The following DDX60L variants were observed in gnomAD, a reference collection of about 807,000 sequenced individuals.
DDX60L encodes probable ATP-dependent RNA helicase DDX60-like.
Under a neutral mutation model 211.6 loss-of-function variants are expected in DDX60L, and 191 were observed. The observed-to-expected ratio is 0.90, with a 90% CI of 0.80 to 1.02. The LOEUF is 1.02. DDX60L is among the 50% of genes least tolerant of loss of function. DDX60L has a pLI of 0.00. For missense variants in DDX60L, 2,007 were observed against 1,984.1 expected, an observed-to-expected ratio of 1.01 and a Z score of -0.22; for synonymous variants, 706 against 694.1, an observed-to-expected ratio of 1.02 and a Z score of -0.27.
At chr4:168,364,134 T>A (rs548964118) in intron 36 of DDX60L, among the ~76,000 whole-genome samples, 1 of 151,830 alleles carries the variant, frequency 6.6e-6, no homozygotes, top group Non-Finnish European at 1.5e-5. Flanking sequence ...AAAAATTAAC[T>A]CAATGTACAA....
intron 12 of DDX60L, among the ~76,000 whole-genome samples, chr4:168,431,153 C>A (rs948177569): frequency 6.6e-6 from 1 of 152,084 alleles, no homozygotes; most frequent in Admixed American, 6.6e-5. Context: ...ACTTCTGGTC[C>A]CAGTCAAATA....
intron 36 of DDX60L, among the ~76,000 whole-genome samples, chr4:168,363,055 G>A (rs887972735): frequency 6.6e-6 from 1 of 152,140 alleles, no homozygotes; most frequent in Admixed American, 6.5e-5. Flanking sequence ...TCTAAATGCT[G>A]AAGAGAAAAG....
chr4:168,435,903 T>C (rs1293072949), intron 10 of DDX60L, among the ~76,000 whole-genome samples: 1 of 152,126 alleles, frequency 6.6e-6, no homozygotes, highest in Non-Finnish European at 1.5e-5. Flanking sequence ...ATTCAGAGAA[T>C]TTCCATCTCA....
At chr4:168,369,830 C>G (rs1447458958) in intron 36 of DDX60L, among the ~76,000 whole-genome samples, 1 of 152,106 alleles carries the variant, frequency 6.6e-6, no homozygotes, top group Non-Finnish European at 1.5e-5. Context: ...TTCACTATCA[C>G]TAATCATCAT....
chr4:168,396,243 A>C, intron 26 of DDX60L, 119 bp from the exon 27 acceptor site: 1 of 580,918 alleles, frequency 1.7e-6, no homozygotes, highest in East Asian at 3.0e-5. Context: ...TAGCTCCATC[A>C]ATCCTGACTT....
intron 12 of DDX60L, among the ~76,000 whole-genome samples, chr4:168,432,242 T>TATTG (rs1554011263): frequency 6.8e-5 from 10 of 147,876 alleles, no homozygotes; most frequent in East Asian, 3.9e-4. Flanking sequence ...TATATATATA[T>TATTG]TGTGTGTGTG....
chr4:168,358,524 C>CTTTTTTTTTTT (rs70961514), intron 37 of DDX60L, among the ~76,000 whole-genome samples: 7 of 108,286 alleles, frequency 6.5e-5, no homozygotes, highest in Admixed American at 1.1e-4. Context: ...TTTTCTTTTT[C>CTTTTTTTTTTT]TTTTTTTTTT....
chr4:168,467,190 C>A (rs1420244685), intron 4 of DDX60L, among the ~76,000 whole-genome samples: 1 of 152,046 alleles, frequency 6.6e-6, no homozygotes, highest in Non-Finnish European at 1.5e-5. Flanking sequence ...AGGTGGATTG[C>A]TTGACCTTGG....
At chr4:168,433,244 G>A (rs1327234542) in intron 10 of DDX60L, 129 bp from the exon 11 acceptor site, 2 of 615,352 alleles carry the variant, frequency 3.3e-6, no homozygotes, top group Non-Finnish European at 5.5e-6. Context: ...CCAAGTTAGA[G>A]CTTCCAAATG....
intron 14 of DDX60L, among the ~76,000 whole-genome samples, chr4:168,424,787 G>A (rs1751198679): frequency 1.3e-5 from 2 of 151,958 alleles, no homozygotes; most frequent in South Asian, 4.1e-4. Flanking sequence ...CTCACCCAAT[G>A]CTTTCTTATA....
chr4:168,359,573 C>T (rs193047915), intron 37 of DDX60L, among the ~76,000 whole-genome samples: 1 of 152,258 alleles, frequency 6.6e-6, no homozygotes, highest in Non-Finnish European at 1.5e-5. Flanking sequence ...GTATAGCCTC[C>T]AGCTTTAGCT....
rs932817022 is a variant in DDX60L, at chr4:168,402,010, G to T, written c.3339-1032C>A. Among the ~76,000 whole-genome samples, 4 of 151,952 alleles carry T rather than the reference G, an allele frequency of 2.6e-5. No individual in the cohort carries two copies. In the East Asian group the frequency reaches 5.8e-4, roughly 22 times the overall value. ...AGGAAGGTAATATTATCTCTGTTTT[G>T]CAGATGAAGAAGTAAATGCCAAAGG... On this transcript the variant is annotated intron_variant, in intron 25 of 37. Coordinates refer to ENST00000682922, the MANE Select transcript of DDX60L (RefSeq NM_001012967.3).
chr4:168,386,008 G>C (rs1303233558), intron 29 of DDX60L, among the ~76,000 whole-genome samples: 2 of 152,006 alleles, frequency 1.3e-5, no homozygotes, highest in Admixed American at 1.3e-4. Flanking sequence ...GGGAAAGGGA[G>C]AAGGGGAGAG....
intron 17 of DDX60L, among the ~76,000 whole-genome samples, chr4:168,420,682 T>TAGACAGAC (rs70961519): frequency 3.0e-4 from 38 of 127,508 alleles, no homozygotes; most frequent in African/African-American, 1.2e-3. Context: ...GATAGATAGA[T>TAGACAGAC]AGACAGACAG....
Position 168,421,778 on chromosome 4 carries a change from C to T in DDX60L, c.2376G>A (p.Val792=), listed in dbSNP as rs745708268. The change falls in exon 17 of 38, where the codon GTG becomes GTA. Residue 792 remains valine (V), a synonymous_variant. Transcript: ENST00000682922. ...ACACTACCTTTGCGGGTGCAACGTA[C>T]ACAACCACCCCGACATCGCTCTCCC... ...VLRESDVGVV[V]YVAPAKSLVG... 1.9e-6 allele frequency: 3 copies of T among 1,614,142 alleles called. No individual in the cohort carries two copies. The South Asian group carries it at 3.3e-5, about 18-fold the overall frequency.
At chr4:168,369,112 G>A (rs910661371) in intron 36 of DDX60L, among the ~76,000 whole-genome samples, 4 of 152,266 alleles carry the variant, frequency 2.6e-5, no homozygotes, top group Middle Eastern at 3.4e-3. Flanking sequence ...GGAGGGGCCA[G>A]GGGCAGAATG....
intron 25 of DDX60L, 28 bp downstream of exon 25, chr4:168,403,954 A>T: frequency 7.3e-7 from 1 of 1,369,044 alleles, no homozygotes; most frequent in Non-Finnish European, 9.8e-7. Context: ...ACATATAAAC[A>T]AAGATAAATT....
rs1289600372 is a variant in DDX60L at position 168,378,491 on chromosome 4, G to A, written c.4364-16C>T. 4.0e-6 allele frequency: 6 copies of A among 1,509,504 alleles called. No individual in the cohort carries two copies. The African/African-American group carries it at 7.1e-5, about 18-fold the overall frequency. The allele number at this position is 1,509,504 out of a possible 1,614,324, so 93.5% of individuals were successfully genotyped here. A position where few individuals can be genotyped will look rare whatever the true frequency, so the allele number is the denominator to read the frequency against. On this transcript the variant is annotated splice_polypyrimidine_tract_variant and intron_variant, in intron 32 of 37. Coordinates refer to ENST00000682922, the MANE Select transcript of DDX60L (RefSeq NM_001012967.3). The stretch of plus-strand genomic sequence containing the variant: ...TGTTGTGAGCCTATTGAAATAAAGA[G>A]CATTATTATAAATAAGAATAATGTT...
rs1049722508 is a variant in DDX60L at position 168,379,890 on chromosome 4, T to A, written c.4117-60A>T. On this transcript the variant is annotated intron_variant, in intron 30 of 37. Coordinates refer to ENST00000682922, the MANE Select transcript of DDX60L (RefSeq NM_001012967.3). ...TAAACAGTATTTGTAAATACTGATA[T>A]GTAATAAATAGTACACATACATACT... 4.9e-6 allele frequency: 6 copies of A among 1,223,140 alleles called. No individual in the cohort carries two copies. The East Asian group carries it at 1.4e-4, about 29-fold the overall frequency. The allele number at this position is 1,223,140 out of a possible 1,614,324, so 75.8% of individuals were successfully genotyped here. A position where few individuals can be genotyped will look rare whatever the true frequency, so the allele number is the denominator to read the frequency against.
Sources: allele counts gnomAD v4.1 joint callset (sites outside exome capture counted in the v4.1 genomes callset), GRCh38; gene constraint gnomAD v4.1.1; transcripts MANE v1.5; gene names NCBI Gene and HGNC (gene_info 2026-07-23, HGNC 2026-07-21).